SIM1: variants seen among roughly 807,000 people sequenced by gnomAD.
SIM1 encodes SIM bHLH transcription factor 1, also known as single-minded homolog 1.
SIM1 carries 18 observed loss-of-function variants against 78.2 expected under a neutral mutation model. That is an observed-to-expected ratio of 0.23 (90% CI 0.16 to 0.34). The LOEUF (loss-of-function observed/expected upper bound fraction) is 0.34. Ranked by LOEUF, SIM1 falls within the 10% of genes least tolerant of loss-of-function variation. The pLI, the probability that SIM1 is intolerant of heterozygous loss-of-function variation, is 1.00. For synonymous variants in SIM1, 417 were observed against 385.2 expected (o/e 1.08, Z -0.97); for missense variants, 939 against 975.1 (o/e 0.96, Z 0.49).
intron 2 of SIM1, among the ~76,000 whole-genome samples, chr6:100,455,985 A>G (rs1466195120): frequency 6.6e-6 from 1 of 152,126 alleles, no homozygotes; most frequent in African/African-American, 2.4e-5. Context: ...AGACTTCCCC[A>G]CAGGTTAATA....
chr6:100,437,413 G>C (rs1435628222), intron 9 of SIM1: 1 of 151,838 alleles, frequency 6.6e-6, no homozygotes, highest in Non-Finnish European at 1.5e-5. Flanking sequence ...GCTGGTGTTT[G>C]TCATCCTAAT....
intron 9 of SIM1, among the ~76,000 whole-genome samples, chr6:100,436,801 C>T (rs868093324): frequency 4.5e-4 from 67 of 150,062 alleles, no homozygotes; most frequent in African/African-American, 1.4e-3. Context: ...TGCAGTGACA[C>T]GATCTTGGCT....
intron 2 of SIM1, among the ~76,000 whole-genome samples, chr6:100,458,795 G>C (rs926672045): frequency 2.6e-5 from 4 of 152,244 alleles, no homozygotes; most frequent in African/African-American, 9.6e-5. Context: ...CCGCCTATTC[G>C]GTGGGGCTAC....
intron 9 of SIM1, among the ~76,000 whole-genome samples, chr6:100,425,643 G>A (rs1318631960): frequency 6.6e-6 from 1 of 152,146 alleles, no homozygotes; most frequent in African/African-American, 2.4e-5. Flanking sequence ...ATTAAATTGA[G>A]CGTTTCATTT....
At chr6:100,453,494 T>C (rs375482311) in intron 3 of SIM1, among the ~76,000 whole-genome samples, 1 of 152,234 alleles carries the variant, frequency 6.6e-6, no homozygotes, top group Non-Finnish European at 1.5e-5. Flanking sequence ...GTTAGGGGCC[T>C]CGTTGGGCTA....
intron 10 of SIM1, among the ~76,000 whole-genome samples, chr6:100,413,626 G>A (rs1771320069): frequency 6.6e-6 from 1 of 152,076 alleles, no homozygotes; most frequent in Admixed American, 6.6e-5. Context: ...TAAATGCCAT[G>A]TATCAGTGTG....
chr6:100,461,559 G>A lies in SIM1; in HGVS notation c.175+1735C>T, dbSNP rs1401167130. ...GCACCAATAATTGACGAGACCGGCT[G>A]GAAATCACGCAGAAAGGGAGCCCAC... On this transcript the variant is annotated intron_variant, in intron 2 of 11. Coordinates refer to ENST00000369208, the MANE Select transcript of SIM1 (RefSeq NM_005068.3). Among the ~76,000 whole-genome samples the A allele has an allele frequency of 2.6e-5, 4 of 152,352 alleles. No homozygotes were observed. The East Asian group carries it at 5.8e-4, about 22-fold the overall frequency.
chr6:100,398,613 A>T (rs1041203707), intron 10 of SIM1, among the ~76,000 whole-genome samples: 1 of 152,072 alleles, frequency 6.6e-6, no homozygotes, highest in African/African-American at 2.4e-5. Context: ...CAAAATTTCC[A>T]TCCTTTTTAA....
chr6:100,413,973 C>T (rs1771332720), intron 10 of SIM1, among the ~76,000 whole-genome samples: 1 of 152,206 alleles, frequency 6.6e-6, no homozygotes, highest in African/African-American at 2.4e-5. Context: ...GATTGTGTGT[C>T]CTTCATAGCA....
intron 10 of SIM1, among the ~76,000 whole-genome samples, chr6:100,416,570 A>G (rs1039638510): frequency 2.6e-5 from 4 of 152,204 alleles, no homozygotes; most frequent in Non-Finnish European, 5.9e-5. Context: ...GTAGATAACA[A>G]AAAAGACTGC....
rs1309285594 is a variant in SIM1, at chr6:100,387,055, T to C, written c.*3306A>G. 1 of 152,058 alleles carries C rather than the reference T, an allele frequency of 6.6e-6. No homozygotes were observed. Among genetic ancestry groups the C allele is most frequent in the African/African-American group, 2.4e-5 (1 of 41,436 alleles). 9.4% of individuals were successfully genotyped at this position (152,058 alleles called of 1,614,324 possible). A position where few individuals can be genotyped will look rare whatever the true frequency, so the allele number is the denominator to read the frequency against. ...ATTCACTTCTTTGGTCATCCAAATTTTTAAAGTAGGTATGGCAGGTGAAAT... is the reference window on the plus strand; with the variant it reads ...ATTCACTTCTTTGGTCATCCAAATTCTTAAAGTAGGTATGGCAGGTGAAAT... On this transcript the variant is annotated 3_prime_UTR_variant, in exon 12 of 12. Transcript: ENST00000369208.
intron 9 of SIM1, among the ~76,000 whole-genome samples, chr6:100,444,611 A>C (rs1030602407): frequency 3.3e-5 from 5 of 152,126 alleles, no homozygotes; most frequent in African/African-American, 9.6e-5. Flanking sequence ...GGCATACAGA[A>C]GTCAGTAAAA....
At chr6:100,427,207 A>T (rs891665203) in intron 9 of SIM1, 1 of 152,226 alleles carries the variant, frequency 6.6e-6, no homozygotes. Context: ...CAGCAGAGAG[A>T]GCTGACAAGG....
intron 2 of SIM1, 55 bp downstream of exon 2, chr6:100,463,239 G>C: frequency 6.7e-7 from 1 of 1,501,962 alleles, no homozygotes; most frequent in Non-Finnish European, 9.1e-7. Context: ...CTCATTGCCT[G>C]GCAAATCCCC....
At chr6:100,408,728 A>G (rs1474003567) in intron 10 of SIM1, among the ~76,000 whole-genome samples, 2 of 152,100 alleles carry the variant, frequency 1.3e-5, no homozygotes, top group Non-Finnish European at 2.9e-5. Context: ...TGATTTGTGG[A>G]TGGAACCAAC....
rs1562255489 is a variant in SIM1, at chr6:100,449,457, G to T, written c.458-9C>A. ...GCGCTCGATCTCATACTCTGGGAGA[G>T]AGGAACGAAGGGAAGCTCAGGTCGT... On this transcript the variant is annotated splice_polypyrimidine_tract_variant and intron_variant, in intron 5 of 11. Transcript: ENST00000369208. The T allele has an allele frequency of 1.9e-6, 3 of 1,612,332 alleles. No individual in the cohort carries two copies. The highest frequency in any genetic ancestry group is 1.6e-4 in the Middle Eastern group (1 of 6,062).
intron 3 of SIM1, among the ~76,000 whole-genome samples, chr6:100,451,084 A>G (rs1772502597): frequency 6.6e-6 from 1 of 152,224 alleles, no homozygotes; most frequent in African/African-American, 2.4e-5. Flanking sequence ...CAGAGACAAG[A>G]GGAGTCAGAC....
intron 10 of SIM1, among the ~76,000 whole-genome samples, chr6:100,412,363 G>T (rs900255255): frequency 6.6e-6 from 1 of 151,194 alleles, no homozygotes; most frequent in Admixed American, 6.6e-5. Flanking sequence ...ATGGCGAAAC[G>T]CTGTCTCTAC....
intron 9 of SIM1, among the ~76,000 whole-genome samples, chr6:100,428,293 T>C (rs940317852): frequency 6.6e-6 from 1 of 152,214 alleles, no homozygotes; most frequent in Non-Finnish European, 1.5e-5. Flanking sequence ...CTATTACAGT[T>C]GTATTGAAGG....
Sources: gnomAD v4.1 joint callset for allele counts (sites outside exome capture counted in the v4.1 genomes callset) on GRCh38, gnomAD v4.1.1 for gene constraint, MANE v1.5 for transcripts, NCBI Gene and HGNC (gene_info 2026-07-23, HGNC 2026-07-21) for gene names.